ARHGAP15: variants seen among roughly 807,000 people sequenced by gnomAD.
The protein encoded by ARHGAP15 is rho GTPase-activating protein 15.
In ARHGAP15, 51 loss-of-function variants were observed where a neutral mutation model predicts 63.7. The ratio of observed to expected loss-of-function variants is 0.80; its 90% CI spans 0.64 to 1.01. The LOEUF (loss-of-function observed/expected upper bound fraction) is 1.01. Ranked by LOEUF, ARHGAP15 falls within the 50% of genes least tolerant of loss-of-function variation. The probability of loss-of-function intolerance (pLI) is 0.00; values close to 1 mark genes in which losing one functional copy is unlikely to be tolerated. For synonymous variants in ARHGAP15, 191 were observed against 193.8 expected (o/e 0.99, Z 0.12); for missense variants, 560 against 564.6 (o/e 0.99, Z 0.08).
intron 6 of ARHGAP15, among the ~76,000 whole-genome samples, chr2:143,293,060 T>C (rs1682479657): frequency 6.6e-6 from 1 of 152,086 alleles, no homozygotes; most frequent in African/African-American, 2.4e-5. Context: ...GAATTCTCAT[T>C]ATTAAACAGT....
rs115915559 is a variant in ARHGAP15 at position 143,218,903 on chromosome 2, C to T, written c.296+2458C>T. ...TGAACATGGAAACGATAATGCATTGCGCTATGATGTTATGAAGACTACCAT... is the reference window on the plus strand; with the variant it reads ...TGAACATGGAAACGATAATGCATTGTGCTATGATGTTATGAAGACTACCAT... On this transcript the variant is annotated intron_variant, in intron 4 of 13. Coordinates refer to ENST00000295095, the MANE Select transcript of ARHGAP15 (RefSeq NM_018460.4). Among the ~76,000 whole-genome samples the T allele has an allele frequency of 9.6e-3, 1,457 of 152,226 alleles. 32 individuals carry two copies. The highest frequency in any genetic ancestry group is 0.033 in the African/African-American group (1,377 of 41,534).
At chr2:143,158,056 G>T (rs958248638) in intron 2 of ARHGAP15, among the ~76,000 whole-genome samples, 2 of 151,812 alleles carry the variant, frequency 1.3e-5, no homozygotes, top group African/African-American at 4.8e-5. Flanking sequence ...CATACTACTT[G>T]TTCACTAGTA....
intron 2 of ARHGAP15, among the ~76,000 whole-genome samples, chr2:143,160,625 A>G (rs1260500519): frequency 6.6e-6 from 1 of 152,018 alleles, no homozygotes; most frequent in Non-Finnish European, 1.5e-5. Flanking sequence ...ACAAATAAGC[A>G]TGAAATTCGA....
Position 143,345,782 on chromosome 2 carries a change from CAT to C in ARHGAP15, c.475-89814_475-89813del, listed in dbSNP as rs748106587. On this transcript the variant is annotated intron_variant, in intron 6 of 13. Coordinates refer to ENST00000295095, the MANE Select transcript of ARHGAP15 (RefSeq NM_018460.4). ...TGTATACTAAGAGAATAGAATTGTACATATATGTGATGTGGCTTTTTAGTTTC... is the reference window on the plus strand; with the variant it reads ...TGTATACTAAGAGAATAGAATTGTACATATGTGATGTGGCTTTTTAGTTTC... 3.3e-5 allele frequency among the ~76,000 whole-genome samples: 5 copies of C among 152,072 alleles called. No individual in the cohort carries two copies. The East Asian group carries it at 9.7e-4, about 29-fold the overall frequency.
chr2:143,759,438 G>C (rs1201211521), intron 13 of ARHGAP15, among the ~76,000 whole-genome samples: 3 of 152,102 alleles, frequency 2.0e-5, no homozygotes, highest in Admixed American at 6.6e-5. Context: ...ATTATATAAA[G>C]TGCATTTTCT....
intron 8 of ARHGAP15, among the ~76,000 whole-genome samples, chr2:143,459,280 G>A (rs193205882): frequency 6.6e-6 from 1 of 151,664 alleles, no homozygotes; most frequent in African/African-American, 2.4e-5. Flanking sequence ...CCAAGTTTTA[G>A]GATCAAGGTA....
chr2:143,506,053 GTCTTT>G (rs1454287054), intron 9 of ARHGAP15, among the ~76,000 whole-genome samples: 2 of 152,180 alleles, frequency 1.3e-5, no homozygotes, highest in African/African-American at 2.4e-5. Flanking sequence ...CTAAATTTGA[GTCTTT>G]TCTTATTGAA....
intron 12 of ARHGAP15, among the ~76,000 whole-genome samples, chr2:143,668,192 A>T (rs1479808516): frequency 6.6e-6 from 1 of 151,304 alleles, no homozygotes; most frequent in African/African-American, 2.4e-5. Context: ...CTGTGTAGAT[A>T]TTCAGATTTA....
chr2:143,355,217 A>G (rs1685756148), intron 6 of ARHGAP15, among the ~76,000 whole-genome samples: 2 of 152,180 alleles, frequency 1.3e-5, no homozygotes, highest in African/African-American at 4.8e-5. Flanking sequence ...GCAATTCCAT[A>G]CACAGGATAT....
At chr2:143,263,943 T>TG in intron 6 of ARHGAP15, among the ~76,000 whole-genome samples, 1 of 127,216 alleles carries the variant, frequency 7.9e-6, no homozygotes, top group African/African-American at 3.2e-5. Context: ...TTTTTTTTTT[T>TG]GTGCTCACCA....
chr2:143,386,184 CAG>C (rs1014714199), intron 6 of ARHGAP15, among the ~76,000 whole-genome samples: 28 of 152,180 alleles, frequency 1.8e-4, no homozygotes, highest in African/African-American at 6.5e-4. Flanking sequence ...GCCACCAACA[CAG>C]AGCTGATATA....
At chr2:143,262,561 C>CTTTTTTTTTTTTTTTTT (rs1553456078) in intron 6 of ARHGAP15, among the ~76,000 whole-genome samples, 76 of 70,690 alleles carry the variant, frequency 1.1e-3, no homozygotes, top group African/African-American at 3.4e-3. Flanking sequence ...TTTTTTTTTA[C>CTTTTTTTTTTTTTTTTT]TTTGTCACGC....
At chr2:143,456,202 T>C (rs1690644412) in intron 8 of ARHGAP15, among the ~76,000 whole-genome samples, 1 of 152,092 alleles carries the variant, frequency 6.6e-6, no homozygotes, top group Admixed American at 6.6e-5. Context: ...CAGAATAGTG[T>C]CTGGAGTATA....
chr2:143,636,459 A>G (rs13420441), intron 12 of ARHGAP15, among the ~76,000 whole-genome samples: 2,694 of 152,242 alleles, frequency 0.018, 85 homozygotes, highest in African/African-American at 0.062. Context: ...TTAGACCCAG[A>G]AAGGCTTCAG....
chr2:143,293,674 TAA>T (rs1022476407), intron 6 of ARHGAP15, among the ~76,000 whole-genome samples: 2 of 151,992 alleles, frequency 1.3e-5, no homozygotes, highest in African/African-American at 4.8e-5. Flanking sequence ...AAGCAGAGAC[TAA>T]AAGTTTCTTA....
chr2:143,745,637 A>C (rs1173698031), intron 13 of ARHGAP15, among the ~76,000 whole-genome samples: 1 of 152,198 alleles, frequency 6.6e-6, no homozygotes. Context: ...TATATGCAAG[A>C]GATTACTACA....
chr2:143,136,328 T>G (rs1282465606), intron 1 of ARHGAP15, among the ~76,000 whole-genome samples: 1 of 152,130 alleles, frequency 6.6e-6, no homozygotes, highest in East Asian at 1.9e-4. Flanking sequence ...CTTTTATTTT[T>G]TATTTTTTTG....
intron 6 of ARHGAP15, among the ~76,000 whole-genome samples, chr2:143,397,413 T>C (rs1687815446): frequency 6.6e-6 from 1 of 151,864 alleles, no homozygotes; most frequent in Admixed American, 6.6e-5. Context: ...TTTCTGGTCA[T>C]TTGTTTTGCA....
intron 13 of ARHGAP15, among the ~76,000 whole-genome samples, chr2:143,724,050 CATGTGTGTGTGTGTGTGTGTGTGT>C (rs1333060372): frequency 7.2e-4 from 63 of 88,078 alleles, no homozygotes; most frequent in African/African-American, 1.8e-3. Flanking sequence ...TATCCACCTT[CATGTGTGTGTGTGTGTGTGTGTGT>C]ATGTGTGTGA....
Sources: allele counts gnomAD v4.1 joint callset (sites outside exome capture counted in the v4.1 genomes callset), GRCh38; gene constraint gnomAD v4.1.1; transcripts MANE v1.5; gene names NCBI Gene and HGNC (gene_info 2026-07-23, HGNC 2026-07-21).